TMEM204: variants seen among roughly 807,000 people sequenced by gnomAD.
The protein encoded by TMEM204 is transmembrane protein 204.
Under a neutral mutation model 19.4 loss-of-function variants are expected in TMEM204, and 15 were observed. That is an observed-to-expected ratio of 0.77 (90% CI 0.52 to 1.19). The LOEUF is 1.19. Among genes scored for constraint, TMEM204 ranks in the 50% most tolerant of loss-of-function variants. The pLI, the probability that TMEM204 is intolerant of heterozygous loss-of-function variation, is 0.00. For missense variants in TMEM204, 287 were observed against 321.2 expected, an observed-to-expected ratio of 0.89 and a Z score of 0.81; for synonymous variants, 161 against 146.0, an observed-to-expected ratio of 1.10 and a Z score of -0.74.
rs2032485103 is a variant in TMEM204 at position 1,549,816 on chromosome 16, GTCCC to G, written c.437-4964_437-4961del. On this transcript the variant is annotated intron_variant, in intron 2 of 2. Coordinates refer to ENST00000566264, the MANE Select transcript of TMEM204 (RefSeq NM_024600.6). ...CCCTGTTCCCTCCTGCTTTGTGACG[GTCCC>G]TGCCTGTTAGGCTTGCTGTTTACAC... Among the ~76,000 whole-genome samples, 3 of 152,156 alleles carry G rather than the reference GTCCC, an allele frequency of 2.0e-5. No homozygotes were observed. The South Asian group carries it at 6.2e-4, about 32-fold the overall frequency.
intron 2 of TMEM204, among the ~76,000 whole-genome samples, chr16:1,547,565 C>T (rs1324305803): frequency 6.6e-6 from 1 of 152,138 alleles, no homozygotes; most frequent in Non-Finnish European, 1.5e-5. Context: ...GAGATAGGGT[C>T]TCACTCCGAT....
intron 1 of TMEM204, chr16:1,541,428 G>C (rs896175647): frequency 1.0e-6 from 1 of 985,292 alleles, no homozygotes; most frequent in Non-Finnish European, 1.2e-6. Context: ...TGAGCCGCTT[G>C]GGGGTCGGGC....
Position 1,553,250 on chromosome 16 carries a change from CTCTCTGTA to C in TMEM204, c.437-1526_437-1519del, listed in dbSNP as rs1388377370. 11 of 976,388 alleles carry C rather than the reference CTCTCTGTA, an allele frequency of 1.1e-5. No homozygotes were observed. The East Asian group carries it at 1.0e-3, about 91-fold the overall frequency. 60.5% of individuals were successfully genotyped at this position (976,388 alleles called of 1,614,324 possible). A position where few individuals can be genotyped will look rare whatever the true frequency, so the allele number is the denominator to read the frequency against. On this transcript the variant is annotated intron_variant, in intron 2 of 2. Transcript: ENST00000566264. The surrounding 1 kb of genome is among the most constrained non-coding windows in gnomAD (Gnocchi z 4.4). ...CATCTGTCTCTGTGTCTGTCTCTGT[CTCTCTGTA>C]TCTCTCTTGGTCTCTGTCTCTCTGT...
At chr16:1,535,643 C>T (rs998288971) in intron 1 of TMEM204, among the ~76,000 whole-genome samples, 3 of 152,216 alleles carry the variant, frequency 2.0e-5, no homozygotes, top group Non-Finnish European at 2.9e-5. Context: ...GAACCCTCAG[C>T]GGGGAATGTC....
upstream of TMEM204, among the ~76,000 whole-genome samples, chr16:1,529,027 C>G (rs1453202864): frequency 2.0e-5 from 3 of 152,190 alleles, no homozygotes; most frequent in Non-Finnish European, 2.9e-5. Context: ...GTGTCTGAGT[C>G]TAGGGGCTGG....
In TMEM204 at chr16:1,554,836, A is replaced by C. The variant is rs1411777153; in HGVS notation, c.491A>C (p.Asn164Thr). ...TTCTACAGAATTGGCCCATACACCA[A>C]CCTGTCCTGGTCCTGCTACCTGAAC... ...VTFYRIGPYTNLSWSCYLNIG... is the reference protein window; with the variant it reads ...VTFYRIGPYTTLSWSCYLNIG... Residue 164 changes from asparagine (N) to threonine (T), a missense_variant, in exon 3 of 3, where the codon AAC becomes ACC. Physicochemically the swap from Asn to Thr is moderately conservative, Grantham distance 65. Coordinates refer to ENST00000566264, the MANE Select transcript of TMEM204 (RefSeq NM_024600.6). The C allele has an allele frequency of 2.5e-6, 4 of 1,614,030 alleles. No individual in the cohort carries two copies. In the South Asian group the frequency reaches 4.4e-5, roughly 18 times the overall value.
At chr16:1,547,118 C>G (rs1251915294) in intron 2 of TMEM204, among the ~76,000 whole-genome samples, 1 of 152,220 alleles carries the variant, frequency 6.6e-6, no homozygotes, top group Non-Finnish European at 1.5e-5. Flanking sequence ...TTCCTTGAAA[C>G]AGTCCCTCTT....
At position 1,555,323 on chromosome 16, in the gene TMEM204, C is replaced by T. The variant is rs1357556098; in HGVS notation, c.*297C>T. ...GGAAGCTGAGACACAGGTTAGGTGGCGCGAGGCTGCCCTGCGCTCCGCTTT... is the reference window on the plus strand; with the variant it reads ...GGAAGCTGAGACACAGGTTAGGTGGTGCGAGGCTGCCCTGCGCTCCGCTTT... On this transcript the variant is annotated 3_prime_UTR_variant, in exon 3 of 3. Transcript: ENST00000566264. 3 of 397,114 alleles carry T rather than the reference C, an allele frequency of 7.6e-6. No homozygotes were observed. Among genetic ancestry groups the T allele is most frequent in the African/African-American group, 2.0e-5 (1 of 49,104 alleles). 24.6% of individuals were successfully genotyped at this position (397,114 alleles called of 1,614,324 possible).
Position 1,555,307 on chromosome 16 carries a change from G to A in TMEM204, c.*281G>A. ...CTTCAGGGTGGAAGCTGGAAGCTGA[G>A]ACACAGGTTAGGTGGCGCGAGGCTG... On this transcript the variant is annotated 3_prime_UTR_variant, in exon 3 of 3. Coordinates refer to ENST00000566264, the MANE Select transcript of TMEM204 (RefSeq NM_024600.6). The A allele has an allele frequency of 6.7e-6, 3 of 450,300 alleles. No homozygotes were observed. Among genetic ancestry groups the A allele is most frequent in the Non-Finnish European group, 1.2e-5 (3 of 251,030 alleles). The allele number at this position is 450,300 out of a possible 1,614,324, so 27.9% of individuals were successfully genotyped here.
intron 2 of TMEM204, among the ~76,000 whole-genome samples, chr16:1,554,481 C>A (rs1429364158): frequency 2.0e-5 from 3 of 152,154 alleles, no homozygotes; most frequent in African/African-American, 7.2e-5. Flanking sequence ...AGGAGCAGCA[C>A]GCCAGGACAG....
rs192386270 is a variant in TMEM204, at chr16:1,553,496, G to A, written c.437-1286G>A. 12 of 985,464 alleles carry A rather than the reference G, an allele frequency of 1.2e-5. No homozygotes were observed. In the East Asian group the frequency reaches 3.4e-4, roughly 28 times the overall value. The allele number at this position is 985,464 out of a possible 1,614,324, so 61.0% of individuals were successfully genotyped here. A position where few individuals can be genotyped will look rare whatever the true frequency, so the allele number is the denominator to read the frequency against. ...AGGCGGAGGGACAGCAGTGGGGCTCGGCGTGGCCGGAGCCTGGGGAGGGAC... is the reference window on the plus strand; with the variant it reads ...AGGCGGAGGGACAGCAGTGGGGCTCAGCGTGGCCGGAGCCTGGGGAGGGAC... On this transcript the variant is annotated intron_variant, in intron 2 of 2. Coordinates refer to ENST00000566264, the MANE Select transcript of TMEM204 (RefSeq NM_024600.6). The surrounding 1 kb of genome is among the most constrained non-coding windows in gnomAD (Gnocchi z 4.4).
upstream of TMEM204, among the ~76,000 whole-genome samples, chr16:1,529,030 G>A (rs2030148448): frequency 6.6e-6 from 1 of 152,186 alleles, no homozygotes; most frequent in African/African-American, 2.4e-5. Context: ...TCTGAGTCTA[G>A]GGGCTGGACG....
chr16:1,546,580 C>T (rs904510963), intron 2 of TMEM204, among the ~76,000 whole-genome samples: 5 of 152,194 alleles, frequency 3.3e-5, no homozygotes, highest in African/African-American at 1.2e-4. Flanking sequence ...AAGCTTCAGG[C>T]CCGAGGCGCA....
intron 2 of TMEM204, among the ~76,000 whole-genome samples, chr16:1,545,220 C>A (rs1567352897): frequency 6.6e-6 from 1 of 152,112 alleles, no homozygotes; most frequent in Non-Finnish European, 1.5e-5. Flanking sequence ...GGGGGCGGGA[C>A]TGTGCTCCAA....
intron 2 of TMEM204, 128 bp from the exon 3 acceptor site, chr16:1,554,654 C>T: frequency 7.2e-7 from 1 of 1,379,920 alleles, no homozygotes; most frequent in Non-Finnish European, 9.8e-7. Flanking sequence ...AGGCTGGAAC[C>T]CGCTCTAGGA....
At chr16:1,538,665 G>T (rs1367868556) in intron 1 of TMEM204, among the ~76,000 whole-genome samples, 1 of 152,208 alleles carries the variant, frequency 6.6e-6, no homozygotes, top group African/African-American at 2.4e-5. Context: ...CTTCTGAATG[G>T]AAGTCATTGC....
At chr16:1,549,192 T>G (rs1262057619) in intron 2 of TMEM204, among the ~76,000 whole-genome samples, 1 of 152,252 alleles carries the variant, frequency 6.6e-6, no homozygotes, top group African/African-American at 2.4e-5. Context: ...CTACCCTAGT[T>G]GTGCTCCAAA....
At chr16:1,540,994 T>G in intron 1 of TMEM204, 2 of 985,202 alleles carry the variant, frequency 2.0e-6, no homozygotes, top group Non-Finnish European at 2.4e-6. Flanking sequence ...TTTGGGCCCC[T>G]GTGTAAGGTT....
At position 1,554,777 on chromosome 16, in the gene TMEM204, T is replaced by G; in HGVS notation, c.437-5T>G. The G allele has an allele frequency of 6.2e-7, 1 of 1,613,972 alleles. No homozygotes were observed. Among genetic ancestry groups the G allele is most frequent in the African/African-American group, 1.3e-5 (1 of 75,062 alleles). On this transcript the variant is annotated splice_polypyrimidine_tract_variant and splice_region_variant and intron_variant, in intron 2 of 2. Transcript: ENST00000566264. ...AAGGCCTCTCAACCCTTCTCTCATC[T>G]GCAGGTTTTGTCCTGGTCATCGGGC...
Sources: allele counts gnomAD v4.1 joint callset (sites outside exome capture counted in the v4.1 genomes callset), GRCh38; gene constraint gnomAD v4.1.1; non-coding constraint Gnocchi (gnomAD v3.1); transcripts MANE v1.5; gene names NCBI Gene and HGNC (gene_info 2026-07-23, HGNC 2026-07-21).